The following UHRF1 variants were observed in gnomAD, a reference collection of about 807,000 sequenced individuals.
UHRF1 encodes the protein ubiquitin like with PHD and ring finger domains 1.
In UHRF1, 9 loss-of-function variants were observed where a neutral mutation model predicts 96.5. That is an observed-to-expected ratio of 0.09 (90% CI 0.06 to 0.16). The LOEUF is 0.16. UHRF1 is among the 10% of genes least tolerant of loss of function. The pLI is 1.00. For synonymous variants in UHRF1, 455 were observed against 469.9 expected, an observed-to-expected ratio of 0.97 and a Z score of 0.41; for missense variants, 626 against 1,131.1, an observed-to-expected ratio of 0.55 and a Z score of 6.40.
chr19:4,937,056 C>T (rs546053925), intron 5 of UHRF1, among the ~76,000 whole-genome samples: 39 of 151,778 alleles, frequency 2.6e-4, no homozygotes, highest in East Asian at 1.4e-3. Flanking sequence ...TTGTTGGAGA[C>T]GGAGTCTCGC....
chr19:4,916,778 G>A (rs1361704303), intron 2 of UHRF1, among the ~76,000 whole-genome samples: 9 of 152,232 alleles, frequency 5.9e-5, no homozygotes, highest in Non-Finnish European at 7.3e-5. Context: ...AGACGGGCCA[G>A]CAGGAGCTGT....
At chr19:4,957,935 C>G (rs906278148) in intron 16 of UHRF1, among the ~76,000 whole-genome samples, 4 of 152,184 alleles carry the variant, frequency 2.6e-5, no homozygotes, top group African/African-American at 9.7e-5. Flanking sequence ...AGGGACTGAC[C>G]CTGCCACCCC....
At chr19:4,904,536 A>C (rs947029077), upstream of UHRF1, among the ~76,000 whole-genome samples, 1 of 151,528 alleles carries the variant, frequency 6.6e-6, no homozygotes, top group Non-Finnish European at 1.5e-5. Context: ...GCTGATCTTG[A>C]ACTCCTGACC....
chr19:4,948,967 CAAAAA>C (rs55757803), intron 11 of UHRF1, among the ~76,000 whole-genome samples: 1 of 51,170 alleles, frequency 2.0e-5, no homozygotes, highest in African/African-American at 6.8e-5. Context: ...ACTAAGAATA[CAAAAA>C]AAAAAAAAAA....
At chr19:4,938,730 G>GGTTTTTTTTTTTTTTTTTTTTTT in intron 5 of UHRF1, among the ~76,000 whole-genome samples, 1 of 61,588 alleles carries the variant, frequency 1.6e-5, no homozygotes, top group South Asian at 6.9e-4. Context: ...TTTTGGTCAG[G>GGTTTTTTTTTTTTTTTTTTTTTT]TTTTTTTTTT....
Position 4,918,424 on chromosome 19 carries a change from T to G in UHRF1, c.153+7386T>G, listed in dbSNP as rs561375830. ...AGTATGAGTCACTGTGCCTGGCCTG[T>G]TTTTTTTTTTTTGAGACAGAGTCTT... On this transcript the variant is annotated intron_variant, in intron 2 of 16. Transcript: ENST00000650932. 1.3e-3 allele frequency among the ~76,000 whole-genome samples: 159 copies of G among 121,888 alleles called. 1 individual carries two copies. Among genetic ancestry groups the G allele is most frequent in the East Asian group, 9.4e-3 (45 of 4,810 alleles). The allele number at this position is 121,888 out of a possible 152,430, so 80.0% of individuals were successfully genotyped here.
chr19:4,909,296 T>TGGGCGCGCCCAGCA (rs1227438953), upstream of UHRF1: 1 of 541,102 alleles, frequency 1.8e-6, no homozygotes, highest in African/African-American at 2.0e-5. Context: ...CTTTGCACGC[T>TGGGCGCGCCCAGCA]GGGCGCGCCC....
intron 2 of UHRF1, among the ~76,000 whole-genome samples, chr19:4,928,683 CTCTG>C (rs2032948485): frequency 6.6e-6 from 1 of 152,182 alleles, no homozygotes; most frequent in Non-Finnish European, 1.5e-5. Context: ...GACAGGGTCT[CTCTG>C]TCTCGACACT....
rs566045805 is a variant in UHRF1, at chr19:4,944,127, C to T, written c.1074-5C>T. The T allele has an allele frequency of 1.7e-5, 27 of 1,613,538 alleles. No homozygotes were observed. The highest frequency in any genetic ancestry group is 5.0e-5 in the Admixed American group (3 of 59,972). On this transcript the variant is annotated splice_region_variant and splice_polypyrimidine_tract_variant and intron_variant, in intron 7 of 16. Coordinates refer to ENST00000650932, the MANE Select transcript of UHRF1 (RefSeq NM_001048201.3). ...GCGTGGGCAGTGACAATCCCGACCT[C>T]GCAGGTACTGCCCTGAGTGCCGGAA...
chr19:4,911,764 G>T (rs771874831), intron 2 of UHRF1, among the ~76,000 whole-genome samples: 1 of 152,202 alleles, frequency 6.6e-6, no homozygotes, highest in South Asian at 2.1e-4. Flanking sequence ...TGGTGTTTTT[G>T]TGGGGGACTG....
At chr19:4,936,324 C>T (rs777409885) in intron 5 of UHRF1, among the ~76,000 whole-genome samples, 7 of 152,178 alleles carry the variant, frequency 4.6e-5, no homozygotes, top group East Asian at 1.9e-4. Context: ...CAGAGAAACG[C>T]GATTGCAGTC....
chr19:4,923,138 C>T (rs2032755436), intron 2 of UHRF1, among the ~76,000 whole-genome samples: 1 of 152,194 alleles, frequency 6.6e-6, no homozygotes, highest in East Asian at 1.9e-4. Flanking sequence ...GCCTACCCGC[C>T]ACCAGTTCTC....
intron 5 of UHRF1, among the ~76,000 whole-genome samples, chr19:4,938,729 G>GTTTTTTTTTTTTTTTTTTTTT: frequency 1.4e-5 from 1 of 73,940 alleles, no homozygotes; most frequent in African/African-American, 5.7e-5. Context: ...GTTTTGGTCA[G>GTTTTTTTTTTTTTTTTTTTTT]GTTTTTTTTT....
At chr19:4,935,380 T>C (rs1338570525) in intron 5 of UHRF1, among the ~76,000 whole-genome samples, 2 of 152,186 alleles carry the variant, frequency 1.3e-5, no homozygotes, top group South Asian at 2.1e-4. Flanking sequence ...TCCCCAGCCA[T>C]GCGGAACTGT....
intron 5 of UHRF1, among the ~76,000 whole-genome samples, chr19:4,936,869 T>TGGTA (rs1011397244): frequency 2.6e-5 from 4 of 151,644 alleles, no homozygotes; most frequent in Non-Finnish European, 5.9e-5. Flanking sequence ...TTTCCCCCAG[T>TGGTA]GGTAACAACT....
chr19:4,943,650 C>T (rs1353491545), intron 7 of UHRF1, among the ~76,000 whole-genome samples: 1 of 151,638 alleles, frequency 6.6e-6, no homozygotes, highest in Non-Finnish European at 1.5e-5. Flanking sequence ...CAACAGAGAA[C>T]CTGCTTTCTT....
At chr19:4,958,734 G>A (rs766054591) in intron 16 of UHRF1, among the ~76,000 whole-genome samples, 2 of 152,138 alleles carry the variant, frequency 1.3e-5, no homozygotes, top group Non-Finnish European at 2.9e-5. Flanking sequence ...CACTTGGGGA[G>A]GCTGAGGTGG....
At chr19:4,927,922 G>T (rs575465847) in intron 2 of UHRF1, among the ~76,000 whole-genome samples, 3 of 152,204 alleles carry the variant, frequency 2.0e-5, no homozygotes, top group Non-Finnish European at 2.9e-5. Context: ...CGGGGCAGAC[G>T]TGGAAACCAG....
chr19:4,951,080 A>G, intron 13 of UHRF1, 84 bp downstream of exon 13: 1 of 1,440,854 alleles, frequency 6.9e-7, no homozygotes, highest in Non-Finnish European at 9.1e-7. Flanking sequence ...AGCCTGGCCA[A>G]CATGGTGAAA....
Sources: gnomAD v4.1 joint callset for allele counts (sites outside exome capture counted in the v4.1 genomes callset) on GRCh38, gnomAD v4.1.1 for gene constraint, MANE v1.5 for transcripts, NCBI Gene and HGNC (gene_info 2026-07-23, HGNC 2026-07-21) for gene names.